The following THSD7B variants were observed in gnomAD, a reference collection of about 807,000 sequenced individuals.
THSD7B encodes the protein thrombospondin type-1 domain-containing protein 7B.
THSD7B carries 138 observed loss-of-function variants against 213.6 expected under a neutral mutation model. The ratio of observed to expected loss-of-function variants is 0.65; its 90% confidence interval spans 0.56 to 0.74. THSD7B has a LOEUF of 0.74. Among genes scored for constraint, THSD7B ranks in the 30% least tolerant of loss-of-function variants. THSD7B has a pLI of 0.00. For synonymous variants in THSD7B, 742 were observed against 687.0 expected, an observed-to-expected ratio of 1.08 and a Z score of -1.25; for missense variants, 1,931 against 1,991.5, an observed-to-expected ratio of 0.97 and a Z score of 0.58.
At chr2:137,288,686 G>A (rs1280491429) in intron 12 of THSD7B, among the ~76,000 whole-genome samples, 1 of 151,794 alleles carries the variant, frequency 6.6e-6, no homozygotes, top group Non-Finnish European at 1.5e-5. Flanking sequence ...GGATAATATT[G>A]ACATTAAAAA....
intron 12 of THSD7B, among the ~76,000 whole-genome samples, chr2:137,383,045 A>G (rs1174498998): frequency 6.6e-6 from 1 of 152,214 alleles, no homozygotes; most frequent in Non-Finnish European, 1.5e-5. Flanking sequence ...GGTAATCTGT[A>G]CCAATAGCTG....
chr2:137,392,628 A>G (rs879365223), intron 12 of THSD7B, among the ~76,000 whole-genome samples: 27 of 151,782 alleles, frequency 1.8e-4, no homozygotes, highest in Non-Finnish European at 2.6e-4. Flanking sequence ...TTCTGTCCAT[A>G]TGTGTCTTTA....
At chr2:137,611,890 A>C (rs886161233) in intron 17 of THSD7B, among the ~76,000 whole-genome samples, 7 of 152,142 alleles carry the variant, frequency 4.6e-5, no homozygotes, top group Admixed American at 1.3e-4. Context: ...GAAACTCCAG[A>C]CTATAAAAAG....
At chr2:137,098,351 A>T (rs1273389440) in intron 4 of THSD7B, among the ~76,000 whole-genome samples, 1 of 152,198 alleles carries the variant, frequency 6.6e-6, no homozygotes, top group Non-Finnish European at 1.5e-5. Flanking sequence ...TATGTTAAGC[A>T]TTTGAGATAC....
intron 12 of THSD7B, among the ~76,000 whole-genome samples, chr2:137,289,800 GA>G (rs909423318): frequency 6.6e-5 from 10 of 150,494 alleles, no homozygotes; most frequent in East Asian, 2.0e-4. Context: ...AGAAAAAAGA[GA>G]AAAAAAAAGA....
chr2:137,291,021 C>T (rs193023573), intron 12 of THSD7B, among the ~76,000 whole-genome samples: 3 of 152,252 alleles, frequency 2.0e-5, no homozygotes, highest in Admixed American at 2.0e-4. Flanking sequence ...CAATAATTTT[C>T]AGTTTCTGTC....
At chr2:137,380,313 T>C (rs775430887) in intron 12 of THSD7B, among the ~76,000 whole-genome samples, 1 of 151,886 alleles carries the variant, frequency 6.6e-6, no homozygotes, top group Non-Finnish European at 1.5e-5. Flanking sequence ...CAGCTACTCA[T>C]TGGGAGAATT....
At chr2:137,106,679 A>G (rs1411325771) in intron 4 of THSD7B, among the ~76,000 whole-genome samples, 1 of 152,228 alleles carries the variant, frequency 6.6e-6, no homozygotes, top group Non-Finnish European at 1.5e-5. Flanking sequence ...ATCTACAAGG[A>G]ACTTAAACAA....
At chr2:136,806,100 T>C (rs981418612) in intron 1 of THSD7B, among the ~76,000 whole-genome samples, 4 of 152,210 alleles carry the variant, frequency 2.6e-5, no homozygotes, top group African/African-American at 9.6e-5. Flanking sequence ...AAATATAACT[T>C]GGCCACAGCA....
At chr2:137,398,126 C>G (rs1686242414) in intron 12 of THSD7B, among the ~76,000 whole-genome samples, 1 of 147,662 alleles carries the variant, frequency 6.8e-6, no homozygotes, top group African/African-American at 2.5e-5. Context: ...CCTCCCGTAG[C>G]TCAGAGTAAT....
chr2:137,343,117 G>A (rs2104909944), intron 12 of THSD7B, among the ~76,000 whole-genome samples: 1 of 140,146 alleles, frequency 7.1e-6, no homozygotes, highest in African/African-American at 2.6e-5. Flanking sequence ...TGATTTTTTT[G>A]CAGGTTTGTT....
At chr2:137,034,775 T>C (rs914948398) in intron 2 of THSD7B, among the ~76,000 whole-genome samples, 1 of 152,222 alleles carries the variant, frequency 6.6e-6, no homozygotes, top group Admixed American at 6.5e-5. Context: ...GAACTCATTC[T>C]TTTTTATAGC....
intron 11 of THSD7B, among the ~76,000 whole-genome samples, chr2:137,274,480 A>G (rs1313310075): frequency 6.6e-6 from 1 of 152,106 alleles, no homozygotes; most frequent in East Asian, 1.9e-4. Context: ...TAAGAAGTTG[A>G]CAAGAGGCTG....
At chr2:137,521,329 A>AG (rs1282895743) in intron 15 of THSD7B, among the ~76,000 whole-genome samples, 6 of 152,024 alleles carry the variant, frequency 3.9e-5, no homozygotes, top group African/African-American at 9.7e-5. Flanking sequence ...TGTAGTGGGG[A>AG]GGGGGGGCTG....
chr2:137,495,262 C>G (rs899486177), intron 15 of THSD7B, among the ~76,000 whole-genome samples: 5 of 151,974 alleles, frequency 3.3e-5, no homozygotes, highest in African/African-American at 1.2e-4. Context: ...TTTAATATTT[C>G]CTATAGCCTG....
At chr2:137,583,249 G>A (rs1681626282) in intron 17 of THSD7B, among the ~76,000 whole-genome samples, 1 of 152,128 alleles carries the variant, frequency 6.6e-6, no homozygotes, top group African/African-American at 2.4e-5. Flanking sequence ...CCCTTTGTGA[G>A]ATGAGTAGAT....
At chr2:136,775,883 G>C (rs1438419349) in intron 1 of THSD7B, among the ~76,000 whole-genome samples, 1 of 152,234 alleles carries the variant, frequency 6.6e-6, no homozygotes, top group East Asian at 1.9e-4. Context: ...TCATCAAGAA[G>C]ACATTTCTTC....
chr2:137,598,566 C>T (rs951939620), intron 17 of THSD7B, among the ~76,000 whole-genome samples: 1 of 152,200 alleles, frequency 6.6e-6, no homozygotes, highest in Non-Finnish European at 1.5e-5. Context: ...GCTCAAAACT[C>T]ACTAGAGATG....
At chr2:137,583,317 TG>T (rs1374089167) in intron 17 of THSD7B, among the ~76,000 whole-genome samples, 1 of 152,244 alleles carries the variant, frequency 6.6e-6, no homozygotes, top group East Asian at 1.9e-4. Context: ...TAGTTTCTTT[TG>T]CTGTGCATAA....
Sources: allele counts gnomAD v4.1 joint callset (sites outside exome capture counted in the v4.1 genomes callset), GRCh38; gene constraint gnomAD v4.1.1; transcripts MANE v1.5; gene names NCBI Gene and HGNC (gene_info 2026-07-23, HGNC 2026-07-21).